DPP3: variants seen among roughly 807,000 people sequenced by gnomAD.
DPP3 encodes dipeptidyl peptidase 3.
DPP3 carries 64 observed loss-of-function variants against 89.8 expected under a neutral mutation model. The observed-to-expected ratio is 0.71, with a 90% CI of 0.58 to 0.88. The LOEUF (loss-of-function observed/expected upper bound fraction) is 0.88, where lower values mean the gene tolerates loss of function less well. Ranked by LOEUF, DPP3 falls within the 40% of genes least tolerant of loss-of-function variation. The probability of loss-of-function intolerance (pLI) is 0.00; values close to 1 mark genes in which losing one functional copy is unlikely to be tolerated. For missense variants in DPP3, 835 were observed against 972.5 expected (o/e 0.86, Z 1.88); for synonymous variants, 377 against 404.3 (o/e 0.93, Z 0.81).
rs202127594 is a variant in DPP3, at chr11:66,491,754, A to G, written c.986A>G (p.Glu329Gly). ...RDPFGSRGEF[E>G]GFVAVVNKAM... Reference sequence around the variant, plus strand: ...CCCTTTGGTTCCCGAGGAGAATTTGAAGGTAACTTCCTCAGGGAGGAGGTC... The same window carrying G: ...CCCTTTGGTTCCCGAGGAGAATTTGGAGGTAACTTCCTCAGGGAGGAGGTC... Residue 329 changes from glutamate to glycine, a missense_variant and splice_region_variant, in exon 9 of 18, where the codon GAA becomes GGA. Coordinates refer to ENST00000531863, the MANE Select transcript of DPP3 (RefSeq NM_130443.4). 6.8e-6 allele frequency: 11 copies of G among 1,612,618 alleles called. No homozygotes were observed. The highest frequency in any genetic ancestry group is 9.3e-6 in the Non-Finnish European group (11 of 1,179,722).
rs545079613 is a variant in DPP3 at position 66,490,395 on chromosome 11, G to T, written c.668-858G>T. ...CAGAGTCTAAAAGCAAGGCTGGGCC[G>T]CATTCCTTCTGGAGTCTCAGGAAGA... On this transcript the variant is annotated intron_variant, in intron 6 of 17. Coordinates refer to ENST00000531863, the MANE Select transcript of DPP3 (RefSeq NM_130443.4). 2.0e-5 allele frequency among the ~76,000 whole-genome samples: 3 copies of T among 152,258 alleles called. No homozygotes were observed. In the East Asian group the frequency reaches 5.8e-4, roughly 29 times the overall value.
rs201439382 is a variant in DPP3 at position 66,495,410 on chromosome 11, A to T, written c.1498A>T (p.Ser500Cys). Reference sequence around the variant, plus strand: ...CGGGGAGACCTGGGATAGCAAGTTCAGCACCATCGCCTCCAGCTACGAAGA... The same window carrying T: ...CGGGGAGACCTGGGATAGCAAGTTCTGCACCATCGCCTCCAGCTACGAAGA... ...RSGETWDSKFSTIASSYEECR... is the reference protein window; with the variant it reads ...RSGETWDSKFCTIASSYEECR... Residue 500 changes from serine to cysteine, a missense_variant, in exon 14 of 18, where the codon AGC becomes TGC. Ser to Cys is a moderately radical substitution (Grantham distance 112, BLOSUM62 -1). Transcript: ENST00000531863. 1.1e-5 allele frequency: 18 copies of T among 1,613,186 alleles called. No homozygotes were observed. The highest frequency in any genetic ancestry group is 1.7e-4 in the Middle Eastern group (1 of 6,028).
At chr11:66,481,918 G>T (rs552522888) in intron 1 of DPP3, among the ~76,000 whole-genome samples, 11 of 152,320 alleles carry the variant, frequency 7.2e-5, no homozygotes, top group African/African-American at 2.6e-4. Flanking sequence ...AAAGTGCTGG[G>T]ATTACAGGTG....
In DPP3 at chr11:66,493,581, A is replaced by T; in HGVS notation, c.1337A>T (p.Gln446Leu). 1.2e-6 allele frequency: 2 copies of T among 1,613,196 alleles called. No homozygotes were observed. Among genetic ancestry groups the T allele is most frequent in the Non-Finnish European group, 1.7e-6 (2 of 1,179,922 alleles). ...ILWKGPSFDV[Q>L]VGLHELLGHG... ...TGGAAGGGGCCCTCCTTCGATGTGC[A>T]GGTGGGCCTGCACGAGCTGCTGGGC... The change falls in exon 12 of 18, where the codon CAG (glutamine) becomes CTG (leucine). Residue 446 changes from glutamine to leucine, a missense_variant. Physicochemically the swap from Gln to Leu is moderately radical, Grantham distance 113. Coordinates refer to ENST00000531863, the MANE Select transcript of DPP3 (RefSeq NM_130443.4).
At chr11:66,486,990 A>G (rs1855247934) in intron 4 of DPP3, among the ~76,000 whole-genome samples, 3 of 152,278 alleles carry the variant, frequency 2.0e-5, no homozygotes, top group Admixed American at 1.3e-4. Flanking sequence ...GGGGGGTCCC[A>G]GGTTTCCCAC....
intron 1 of DPP3, 111 bp downstream of exon 1, chr11:66,480,576 C>T: frequency 3.2e-6 from 4 of 1,252,056 alleles, no homozygotes; most frequent in Non-Finnish European, 4.2e-6. Context: ...TCCAGTACCC[C>T]CTCCAAATTC....
chr11:66,497,595 G>T, intron 16 of DPP3, 118 bp downstream of exon 16: 2 of 1,383,030 alleles, frequency 1.4e-6, no homozygotes, highest in Non-Finnish European at 1.9e-6. Flanking sequence ...AGGAAAGGTA[G>T]CCAGTAAACA....
intron 1 of DPP3, chr11:66,481,973 G>T: frequency 1.6e-6 from 1 of 631,738 alleles, no homozygotes; most frequent in African/African-American, 1.8e-5. Flanking sequence ...AAGGTTTAGG[G>T]ACTACAGACC....
chr11:66,493,938 C>T (rs1335715271), intron 12 of DPP3, among the ~76,000 whole-genome samples: 1 of 152,124 alleles, frequency 6.6e-6, no homozygotes, highest in Non-Finnish European at 1.5e-5. Flanking sequence ...TTCCCCGCAC[C>T]AGGAGGAATT....
rs1243465039 is a variant in DPP3, at chr11:66,493,560, AG to A, written c.1320del (p.Ser442ProfsTer35). ...TGGCAGGACCTGTACATCCTCTGGA[AG>A]GGGCCCTCCTTCGATGTGCAGGTGG... ...EDDKDLYILW[K>X]GPSFDVQVGL... is the part of the protein sequence containing the mutation. On this transcript the variant is annotated frameshift_variant, in exon 12 of 18. Coordinates refer to ENST00000531863, the MANE Select transcript of DPP3 (RefSeq NM_130443.4). LOFTEE classifies it high-confidence loss of function. The A allele has an allele frequency of 1.2e-6, 2 of 1,613,124 alleles. No homozygotes were observed. The highest frequency in any genetic ancestry group is 2.7e-5 in the African/African-American group (2 of 74,912).
rs201901546 is a variant in DPP3 at position 66,509,129 on chromosome 11, C to T, written c.2092C>T (p.Arg698Ter). ...CGAGGCGTCAGCTGCTGGCCTCATC[C>T]GATCCTTCTCTGAGCGTTTCCCAGA... is the stretch of plus-strand genomic sequence containing the variant. ...EYEASAAGLI[R>*]SFSERFPEDG... is the part of the protein sequence containing the mutation. The change falls in exon 18 of 18, where the codon CGA becomes TGA. Residue 698 changes from arginine to a stop codon, truncating the protein, a stop_gained. Coordinates refer to ENST00000531863, the MANE Select transcript of DPP3 (RefSeq NM_130443.4). LOFTEE classifies it high-confidence loss of function. 9 of 1,614,074 alleles carry T rather than the reference C, an allele frequency of 5.6e-6. No homozygotes were observed. The highest frequency in any genetic ancestry group is 1.7e-5 in the Admixed American group (1 of 60,006).
chr11:66,491,546 G>A lies in DPP3; in HGVS notation c.851G>A (p.Ser284Asn). 1 of 1,613,668 alleles carries A rather than the reference G, an allele frequency of 6.2e-7. No individual in the cohort carries two copies. The highest frequency in any genetic ancestry group is 8.5e-7 in the Non-Finnish European group (1 of 1,179,856). The change falls in exon 8 of 18, where the codon AGC becomes AAC. Residue 284 changes from serine to asparagine, a missense_variant. Physicochemically the swap from Ser to Asn is conservative, Grantham distance 46. Transcript: ENST00000531863. ...QGQMLAQYIE[S>N]FTQGSIEAHK... ...CAGATGCTGGCCCAGTATATAGAGA[G>A]CTTCACCCAGGGCTCCATCGAGGCC...
At chr11:66,499,815 C>T (rs1855635082) in intron 16 of DPP3, among the ~76,000 whole-genome samples, 1 of 151,768 alleles carries the variant, frequency 6.6e-6, no homozygotes, top group Non-Finnish European at 1.5e-5. Context: ...CTATATTCAC[C>T]TTTTATCGCG....
Position 66,504,705 on chromosome 11 carries a change from C to G in DPP3, c.1972C>G (p.Leu658Val). 1 of 1,613,398 alleles carries G rather than the reference C, an allele frequency of 6.2e-7. No individual in the cohort carries two copies. Among genetic ancestry groups the G allele is most frequent in the African/African-American group, 1.3e-5 (1 of 74,988 alleles). ...TDAPPECFLT[L>V]RDTVLLRKES... The stretch of plus-strand genomic sequence containing the variant: ...TGCGCCCCCCGAGTGCTTCCTCACC[C>G]TCAGGGACACGGTGCTGCTGCGTAA... The change falls in exon 17 of 18, where the codon CTC becomes GTC. Residue 658 changes from leucine (L) to valine (V), a missense_variant. By Grantham distance (32) the Leu-to-Val change is conservative. Coordinates refer to ENST00000531863, the MANE Select transcript of DPP3 (RefSeq NM_130443.4).
chr11:66,488,577 A>C (rs1268068642), intron 6 of DPP3, among the ~76,000 whole-genome samples: 1 of 152,000 alleles, frequency 6.6e-6, no homozygotes, highest in East Asian at 1.9e-4. Context: ...AAAAAAAAAA[A>C]AAAAAAAGAG....
intron 2 of DPP3, chr11:66,482,922 T>A (rs1855125838): frequency 5.8e-6 from 1 of 173,532 alleles, no homozygotes; most frequent in Non-Finnish European, 1.3e-5. Context: ...ATTGCAGCAA[T>A]GCAGAAAGAC....
Position 66,491,311 on chromosome 11 carries a change from C to T in DPP3, c.726C>T (p.Ser242=), listed in dbSNP as rs1855377488. Residue 242 remains serine, a synonymous_variant, in exon 7 of 18, where the codon AGC becomes AGT. Coordinates refer to ENST00000531863, the MANE Select transcript of DPP3 (RefSeq NM_130443.4). ...SKLKSYEFRG[S]PFQVTRGDYA... Reference sequence around the variant, plus strand: ...TGAAGAGCTATGAATTCCGGGGAAGCCCTTTCCAGGTGACCCGGGGGGACT... The same window carrying T: ...TGAAGAGCTATGAATTCCGGGGAAGTCCTTTCCAGGTGACCCGGGGGGACT... The T allele has an allele frequency of 6.2e-7, 1 of 1,613,994 alleles. No homozygotes were observed. Among genetic ancestry groups the T allele is most frequent in the Non-Finnish European group, 8.5e-7 (1 of 1,180,008 alleles).
chr11:66,490,104 A>T (rs1222016144), intron 6 of DPP3, among the ~76,000 whole-genome samples: 1 of 146,320 alleles, frequency 6.8e-6, no homozygotes. Context: ...GCTTGAGCCC[A>T]GGAGTCTGAG....
intron 15 of DPP3, among the ~76,000 whole-genome samples, chr11:66,496,859 G>T (rs920883192): frequency 1.2e-4 from 18 of 152,254 alleles, no homozygotes; most frequent in Admixed American, 5.9e-4. Context: ...ACCTCTCTGG[G>T]CCTCTGTTTT....
Sources: allele counts gnomAD v4.1 joint callset (sites outside exome capture counted in the v4.1 genomes callset), GRCh38; gene constraint gnomAD v4.1.1; transcripts MANE v1.5; gene names NCBI Gene and HGNC (gene_info 2026-07-23, HGNC 2026-07-21).